The following SSBP2 variants were observed in gnomAD, a reference collection of about 807,000 sequenced individuals.
SSBP2 encodes the protein single-stranded DNA-binding protein 2.
Under a neutral mutation model 61.8 loss-of-function variants are expected in SSBP2, and 17 were observed. That is an observed-to-expected ratio of 0.28 (90% CI 0.19 to 0.41). SSBP2 has a LOEUF of 0.41. Among genes scored for constraint, SSBP2 ranks in the 10% least tolerant of loss-of-function variants. SSBP2 has a pLI of 1.00. For missense variants in SSBP2, 310 were observed against 458.7 expected (o/e 0.68, Z 2.96); for synonymous variants, 139 against 141.3 (o/e 0.98, Z 0.12).
rs879285322 is a variant in SSBP2 at position 81,432,757 on chromosome 5, T to TG, written c.958-4075dup. Among the ~76,000 whole-genome samples, 14 of 143,550 alleles carry TG rather than the reference T, an allele frequency of 9.8e-5. 1 individual carries two copies. In the South Asian group the frequency reaches 1.5e-3, roughly 15 times the overall value. 94.2% of individuals were successfully genotyped at this position (143,550 alleles called of 152,430 possible). A position where few individuals can be genotyped will look rare whatever the true frequency, so the allele number is the denominator to read the frequency against. On this transcript the variant is annotated intron_variant, in intron 15 of 16. Coordinates refer to ENST00000320672, the MANE Select transcript of SSBP2 (RefSeq NM_012446.5). ...CGAGACTCTGAGTCCGGGAGGGAGG[T>TG]GGGGGGGTCAGCCCCCGCCCGGCCA... is the stretch of plus-strand genomic sequence containing the variant.
rs759073314 is a variant in SSBP2, at chr5:81,428,727, A to G, written c.958-44T>C. ...AAACAAGGCATTGTTGAAAATTTTA[A>G]TTTCCCTCTTGCACTGTACTGTTTC... On this transcript the variant is annotated intron_variant, in intron 15 of 16. Transcript: ENST00000320672. 12 of 1,429,974 alleles carry G rather than the reference A, an allele frequency of 8.4e-6. No homozygotes were observed. The South Asian group carries it at 1.4e-4, about 16-fold the overall frequency. 88.6% of individuals were successfully genotyped at this position (1,429,974 alleles called of 1,614,324 possible).
Position 81,413,133 on chromosome 5 carries a change from T to C in SSBP2, c.*7371A>G, listed in dbSNP as rs546768590. ...AGGGTAGGAACTGTATATGAAAAGC[T>C]GTATTTTAAAAAATTAAATGTGAAA... is the stretch of plus-strand genomic sequence containing the variant. On this transcript the variant is annotated 3_prime_UTR_variant, in exon 17 of 17. Coordinates refer to ENST00000320672, the MANE Select transcript of SSBP2 (RefSeq NM_012446.5). 1.3e-5 allele frequency: 2 copies of C among 152,372 alleles called. No homozygotes were observed. Among genetic ancestry groups the C allele is most frequent in the East Asian group, 3.9e-4 (2 of 5,192 alleles). The allele number at this position is 152,372 out of a possible 1,614,324, so 9.4% of individuals were successfully genotyped here.
At position 81,539,760 on chromosome 5, in the gene SSBP2, T is replaced by C. The variant is rs145875540; in HGVS notation, c.283-26043A>G. On this transcript the variant is annotated intron_variant, in intron 4 of 16. Coordinates refer to ENST00000320672, the MANE Select transcript of SSBP2 (RefSeq NM_012446.5). Reference sequence around the variant, plus strand: ...CATTTCTTAGCAATAATTTTTTTATTATACTTTAAGTTCTGGATTACATGT... The same window carrying C: ...CATTTCTTAGCAATAATTTTTTTATCATACTTTAAGTTCTGGATTACATGT... Among the ~76,000 whole-genome samples, 7 of 152,270 alleles carry C rather than the reference T, an allele frequency of 4.6e-5. No homozygotes were observed. The South Asian group carries it at 1.0e-3, about 23-fold the overall frequency.
intron 1 of SSBP2, among the ~76,000 whole-genome samples, chr5:81,749,504 T>G (rs970130172): frequency 2.0e-5 from 3 of 152,204 alleles, no homozygotes; most frequent in African/African-American, 7.2e-5. Context: ...TTTACGCAGC[T>G]ATTTCTGTGC....
chr5:81,727,440 T>A (rs757867026), intron 1 of SSBP2, among the ~76,000 whole-genome samples: 3 of 151,954 alleles, frequency 2.0e-5, no homozygotes, highest in Non-Finnish European at 2.9e-5. Context: ...TCCCAGCTAC[T>A]CAGGAGGCTG....
intron 5 of SSBP2, among the ~76,000 whole-genome samples, chr5:81,503,863 C>A (rs1767982830): frequency 6.6e-6 from 1 of 152,096 alleles, no homozygotes; most frequent in South Asian, 2.1e-4. Context: ...AGGCCATTAT[C>A]CTTAGCAAAC....
chr5:81,676,412 C>A (rs1206575941), intron 1 of SSBP2, among the ~76,000 whole-genome samples: 2 of 152,042 alleles, frequency 1.3e-5, no homozygotes, highest in African/African-American at 4.8e-5. Flanking sequence ...AGGAGAGGGG[C>A]CAGATATGTA....
chr5:81,597,481 C>A (rs1176626636), intron 4 of SSBP2, among the ~76,000 whole-genome samples: 1 of 152,102 alleles, frequency 6.6e-6, no homozygotes, highest in Non-Finnish European at 1.5e-5. Context: ...CTAGAAATAC[C>A]ATTTGACCCA....
At chr5:81,622,782 C>T (rs1440082975) in intron 3 of SSBP2, among the ~76,000 whole-genome samples, 1 of 152,186 alleles carries the variant, frequency 6.6e-6, no homozygotes, top group African/African-American at 2.4e-5. Flanking sequence ...GGATCTCTCT[C>T]TCTCTTCTCA....
chr5:81,609,926 ATTC>A (rs1745279506), intron 4 of SSBP2, among the ~76,000 whole-genome samples: 1 of 152,284 alleles, frequency 6.6e-6, no homozygotes, highest in East Asian at 1.9e-4. Flanking sequence ...AAACCACCCG[ATTC>A]CAGGTATTCA....
chr5:81,510,576 CAG>C (rs1179607282), intron 5 of SSBP2, among the ~76,000 whole-genome samples: 2 of 152,070 alleles, frequency 1.3e-5, no homozygotes, highest in Non-Finnish European at 2.9e-5. Context: ...GTCTGACCAA[CAG>C]GGGGAAACCC....
At chr5:81,574,447 A>C (rs1475104057) in intron 4 of SSBP2, among the ~76,000 whole-genome samples, 2 of 152,162 alleles carry the variant, frequency 1.3e-5, no homozygotes, top group East Asian at 3.9e-4. Flanking sequence ...AAAAATATCT[A>C]GGATACAAGT....
chr5:81,665,455 C>A (rs1459395499), intron 1 of SSBP2, among the ~76,000 whole-genome samples: 3 of 152,078 alleles, frequency 2.0e-5, no homozygotes, highest in African/African-American at 7.2e-5. Flanking sequence ...CAGATATAGA[C>A]AACGTAAAAT....
chr5:81,560,566 C>G (rs1015834743), intron 4 of SSBP2, among the ~76,000 whole-genome samples: 2 of 152,166 alleles, frequency 1.3e-5, no homozygotes, highest in African/African-American at 4.8e-5. Context: ...ATTTTCCCAC[C>G]TCTACGCTTT....
chr5:81,532,159 G>A (rs1770463901), intron 4 of SSBP2, among the ~76,000 whole-genome samples: 10 of 152,008 alleles, frequency 6.6e-5, no homozygotes, highest in Admixed American at 6.6e-4. Flanking sequence ...AAAGGAAAAA[G>A]TTTATTTGAT....
At chr5:81,592,786 T>A (rs569017788) in intron 4 of SSBP2, among the ~76,000 whole-genome samples, 13 of 152,326 alleles carry the variant, frequency 8.5e-5, no homozygotes, top group Admixed American at 2.6e-4. Flanking sequence ...TGGTCCTGTC[T>A]GTTAGAAGAA....
At chr5:81,725,910 C>T (rs114076227) in intron 1 of SSBP2, among the ~76,000 whole-genome samples, 6 of 152,174 alleles carry the variant, frequency 3.9e-5, no homozygotes, top group African/African-American at 1.2e-4. Flanking sequence ...ACTTTCTCTA[C>T]ATTTGGATCT....
intron 10 of SSBP2, among the ~76,000 whole-genome samples, chr5:81,457,810 G>C (rs1361648129): frequency 6.6e-6 from 1 of 151,926 alleles, no homozygotes; most frequent in East Asian, 1.9e-4. Flanking sequence ...ATAGGCGCCT[G>C]CTACCACACC....
intron 4 of SSBP2, among the ~76,000 whole-genome samples, chr5:81,543,459 T>G (rs1253751107): frequency 6.6e-6 from 1 of 152,086 alleles, no homozygotes; most frequent in Admixed American, 6.6e-5. Flanking sequence ...CAATGGGTAC[T>G]CATGATCATA....
Sources: gnomAD v4.1 joint callset for allele counts (sites outside exome capture counted in the v4.1 genomes callset) on GRCh38, gnomAD v4.1.1 for gene constraint, MANE v1.5 for transcripts, NCBI Gene and HGNC (gene_info 2026-07-23, HGNC 2026-07-21) for gene names.